STAG1: variants seen among roughly 807,000 people sequenced by gnomAD.
STAG1 encodes the protein cohesin subunit SA-1.
In STAG1, 26 loss-of-function variants were observed where a neutral mutation model predicts 170.9. That is an observed-to-expected ratio of 0.15 (90% CI 0.11 to 0.21). The LOEUF (loss-of-function observed/expected upper bound fraction) is 0.21. Among genes scored for constraint, STAG1 ranks in the 10% least tolerant of loss-of-function variants. The probability of loss-of-function intolerance (pLI) is 1.00; values close to 1 mark genes in which losing one functional copy is unlikely to be tolerated. For synonymous variants in STAG1, 514 were observed against 497.7 expected (o/e 1.03, Z -0.44); for missense variants, 964 against 1,509.5 (o/e 0.64, Z 5.99).
chr3:136,619,744 G>C (rs897398460), intron 3 of STAG1, among the ~76,000 whole-genome samples: 1 of 115,814 alleles, frequency 8.6e-6, no homozygotes, highest in East Asian at 2.7e-4. Flanking sequence ...GCAACAGCGC[G>C]AGACTCTGTC....
intron 15 of STAG1, among the ~76,000 whole-genome samples, chr3:136,439,443 A>ACACACACACACACACAC (rs1559802083): frequency 2.2e-5 from 1 of 44,844 alleles, no homozygotes; most frequent in African/African-American, 6.4e-5. Flanking sequence ...CACACACACA[A>ACACACACACACACACAC]ACACTGTAAG....
intron 1 of STAG1, 52 bp from the exon 2 acceptor site, chr3:136,631,033 T>C (rs1173873664): frequency 5.9e-6 from 5 of 843,930 alleles, no homozygotes; most frequent in Non-Finnish European, 9.0e-6. Flanking sequence ...GATGACAAAA[T>C]TCATAAACTA....
At chr3:136,363,049 C>CCTT (rs1238438404) in intron 26 of STAG1, among the ~76,000 whole-genome samples, 2 of 152,066 alleles carry the variant, frequency 1.3e-5, no homozygotes, top group Non-Finnish European at 2.9e-5. Flanking sequence ...CTCCTGGTGC[C>CCTT]CTTCCTCATG....
intron 1 of STAG1, among the ~76,000 whole-genome samples, chr3:136,682,299 T>C (rs1001104143): frequency 1.3e-5 from 2 of 151,554 alleles, no homozygotes; most frequent in Non-Finnish European, 2.9e-5. Flanking sequence ...GTGGTGGGTG[T>C]CTGTAATCCC....
intron 7 of STAG1, among the ~76,000 whole-genome samples, chr3:136,515,664 C>T (rs545137144): frequency 8.6e-5 from 13 of 151,988 alleles, no homozygotes; most frequent in Admixed American, 1.3e-4. Context: ...CAAAAGAAAG[C>T]TAATTTTCAG....
At chr3:136,474,104 C>T (rs1190882989) in intron 10 of STAG1, among the ~76,000 whole-genome samples, 3 of 152,116 alleles carry the variant, frequency 2.0e-5, no homozygotes, top group South Asian at 2.1e-4. Flanking sequence ...ACAGAAATAG[C>T]ACAATGTTTA....
At chr3:136,504,544 G>A (rs1374107714) in intron 7 of STAG1, among the ~76,000 whole-genome samples, 2 of 152,164 alleles carry the variant, frequency 1.3e-5, no homozygotes, top group Non-Finnish European at 2.9e-5. Context: ...AAATTAAACT[G>A]TATAAGGAAA....
At chr3:136,468,247 G>T (rs1341327791) in intron 12 of STAG1, among the ~76,000 whole-genome samples, 2 of 151,976 alleles carry the variant, frequency 1.3e-5, no homozygotes, top group African/African-American at 2.4e-5. Flanking sequence ...CAACAAAACT[G>T]ATAGACCACT....
At chr3:136,683,287 G>A (rs965928683) in intron 1 of STAG1, among the ~76,000 whole-genome samples, 3 of 150,572 alleles carry the variant, frequency 2.0e-5, no homozygotes, top group Admixed American at 1.3e-4. Context: ...TTTTTGAGAT[G>A]GAGTCTGGCT....
At chr3:136,530,952 A>G (rs1935337489) in intron 6 of STAG1, among the ~76,000 whole-genome samples, 1 of 152,126 alleles carries the variant, frequency 6.6e-6, no homozygotes, top group African/African-American at 2.4e-5. Flanking sequence ...TAAAAATACA[A>G]AAATTAGCTG....
At chr3:136,723,461 G>A (rs1320893289) in intron 1 of STAG1, among the ~76,000 whole-genome samples, 1 of 144,054 alleles carries the variant, frequency 6.9e-6, no homozygotes, top group African/African-American at 2.6e-5. Flanking sequence ...CCTGGCAACC[G>A]CCCCATATGA....
intron 1 of STAG1, among the ~76,000 whole-genome samples, chr3:136,691,822 G>T (rs976829456): frequency 6.6e-6 from 1 of 152,180 alleles, no homozygotes; most frequent in Admixed American, 6.5e-5. Flanking sequence ...GAACTAAGTA[G>T]ATCATCTACA....
intron 4 of STAG1, among the ~76,000 whole-genome samples, chr3:136,593,525 T>A (rs1450210078): frequency 6.6e-6 from 1 of 152,222 alleles, no homozygotes; most frequent in Non-Finnish European, 1.5e-5. Flanking sequence ...CAGGTATACT[T>A]CTAAAATTAC....
chr3:136,718,143 C>T (rs1932971848), intron 1 of STAG1, among the ~76,000 whole-genome samples: 2 of 152,054 alleles, frequency 1.3e-5, no homozygotes, highest in Non-Finnish European at 2.9e-5. Flanking sequence ...CTGTATCTCA[C>T]TAATCAAAAG....
intron 1 of STAG1, among the ~76,000 whole-genome samples, chr3:136,730,619 A>G (rs990536848): frequency 6.6e-6 from 1 of 152,176 alleles, no homozygotes; most frequent in Admixed American, 6.5e-5. Flanking sequence ...CACAACTCTC[A>G]CTGTGCATCA....
Position 136,398,810 on chromosome 3 carries a change from T to C in STAG1, c.2216A>G (p.Gln739Arg). The change falls in exon 22 of 34, where the codon CAG becomes CGG. Residue 739 changes from glutamine (Q) to arginine (R), a missense_variant. By Grantham distance (43) the Gln-to-Arg change is conservative. Coordinates refer to ENST00000383202, the MANE Select transcript of STAG1 (RefSeq NM_005862.3). ...CCAAAGAATCGAATAATGGGAACAC[T>C]GCAGTGCTTGCACGACTATCTGTAT... ...MPEQIVVQAL[Q>R]CSHYSILWQL... The C allele has an allele frequency of 2.5e-6, 4 of 1,586,990 alleles. No individual in the cohort carries two copies. The highest frequency in any genetic ancestry group is 2.6e-6 in the Non-Finnish European group (3 of 1,166,314).
chr3:136,704,287 G>C (rs1049424091), intron 1 of STAG1, among the ~76,000 whole-genome samples: 1 of 151,714 alleles, frequency 6.6e-6, no homozygotes, highest in African/African-American at 2.4e-5. Flanking sequence ...CTGACCTCAG[G>C]TGATCCGCCT....
chr3:136,469,992 G>T (rs1185645876), intron 12 of STAG1, among the ~76,000 whole-genome samples: 1 of 152,190 alleles, frequency 6.6e-6, no homozygotes, highest in Non-Finnish European at 1.5e-5. Context: ...ATTCAAGATG[G>T]ATTAAAGACT....
chr3:136,641,954 C>T (rs1442488802), intron 1 of STAG1, among the ~76,000 whole-genome samples: 1 of 152,118 alleles, frequency 6.6e-6, no homozygotes, highest in Non-Finnish European at 1.5e-5. Flanking sequence ...CCCAACTCTA[C>T]ACTAAAATAC....
Sources: allele counts gnomAD v4.1 joint callset (sites outside exome capture counted in the v4.1 genomes callset), GRCh38; gene constraint gnomAD v4.1.1; transcripts MANE v1.5; gene names NCBI Gene and HGNC (gene_info 2026-07-23, HGNC 2026-07-21).